The following MGAT5 variants were observed in gnomAD, a reference collection of about 807,000 sequenced individuals.
MGAT5 encodes alpha-1,6-mannosylglycoprotein 6-beta-N-acetylglucosaminyltransferase A.
Under a neutral mutation model 94.3 loss-of-function variants are expected in MGAT5, and 30 were observed. The observed-to-expected ratio is 0.32, with a 90% CI of 0.24 to 0.43. MGAT5 has a LOEUF of 0.43. Among genes scored for constraint, MGAT5 ranks in the 20% least tolerant of loss-of-function variants. The probability of loss-of-function intolerance (pLI) is 1.00; values close to 1 mark genes in which losing one functional copy is unlikely to be tolerated. For synonymous variants in MGAT5, 310 were observed against 322.9 expected, an observed-to-expected ratio of 0.96 and a Z score of 0.43; for missense variants, 691 against 905.5, an observed-to-expected ratio of 0.76 and a Z score of 3.04.
intron 10 of MGAT5, among the ~76,000 whole-genome samples, chr2:134,369,028 A>G (rs76969745): frequency 0.011 from 1,660 of 149,524 alleles, 32 homozygotes; most frequent in African/African-American, 0.039. Context: ...TCATATAATT[A>G]TCTTTTTTTG....
chr2:134,273,624 G>A (rs1445098607), intron 2 of MGAT5, among the ~76,000 whole-genome samples: 2 of 51,388 alleles, frequency 3.9e-5, no homozygotes, highest in Non-Finnish European at 6.6e-5. Context: ...GGATAGCTCT[G>A]TGTGTGTGTG....
intron 1 of MGAT5, among the ~76,000 whole-genome samples, chr2:134,229,409 T>G (rs905351774): frequency 2.6e-5 from 4 of 152,236 alleles, no homozygotes; most frequent in African/African-American, 9.6e-5. Context: ...TACACACATG[T>G]GTGTTTCGTT....
At chr2:134,389,486 C>T (rs1682263441) in intron 10 of MGAT5, among the ~76,000 whole-genome samples, 1 of 152,156 alleles carries the variant, frequency 6.6e-6, no homozygotes, top group Non-Finnish European at 1.5e-5. Flanking sequence ...TGGCGTTTAG[C>T]CTCAGCCTCT....
intron 1 of MGAT5, among the ~76,000 whole-genome samples, chr2:134,267,361 C>A (rs1027489149): frequency 5.3e-5 from 8 of 152,180 alleles, no homozygotes; most frequent in African/African-American, 1.7e-4. Flanking sequence ...ATCACATGCT[C>A]CTCAGACTGT....
chr2:134,263,406 G>A (rs930870161), intron 1 of MGAT5, among the ~76,000 whole-genome samples: 2 of 152,164 alleles, frequency 1.3e-5, no homozygotes, highest in African/African-American at 2.4e-5. Flanking sequence ...AAAAACATTC[G>A]CTTCTGGGCA....
At chr2:134,399,269 C>G (rs113877929) in intron 10 of MGAT5, among the ~76,000 whole-genome samples, 55 of 152,324 alleles carry the variant, frequency 3.6e-4, no homozygotes, top group African/African-American at 1.2e-3. Flanking sequence ...CCACTCCCCC[C>G]TGCTGTGGAC....
At position 134,191,510 on chromosome 2, in the gene MGAT5, G is replaced by GCCTCCT. The variant is rs113436456; in HGVS notation, c.-142-62736_-142-62731dup. On this transcript the variant is annotated intron_variant, in intron 1 of 16. Coordinates refer to the MGAT5 transcript ENST00000409645. ...GAAGGGTGGGTTCGCGCCGTCTTTCGCCTCCTCCTCCTCCTCCTCCTTGCG... is the reference window on the plus strand; with the variant it reads ...GAAGGGTGGGTTCGCGCCGTCTTTCGCCTCCTCCTCCTCCTCCTCCTCCTCCTTGCG... Among the ~76,000 whole-genome samples the GCCTCCT allele has an allele frequency of 2.7e-4, 38 of 139,126 alleles. No individual in the cohort carries two copies. In the South Asian group the frequency reaches 3.6e-3, roughly 13 times the overall value. The allele number at this position is 139,126 out of a possible 152,430, so 91.3% of individuals were successfully genotyped here. A position where few individuals can be genotyped will look rare whatever the true frequency, so the allele number is the denominator to read the frequency against.
In MGAT5 at chr2:134,452,984, TAG is replaced by T. The variant is rs1686182299; in HGVS notation, c.*4140_*4141del. The T allele has an allele frequency of 6.6e-6, 1 of 152,236 alleles. No homozygotes were observed. The highest frequency in any genetic ancestry group is 2.4e-5 in the African/African-American group (1 of 41,454). The allele number at this position is 152,236 out of a possible 1,614,324, so 9.4% of individuals were successfully genotyped here. ...TTATAGCAAAAGACCAAATTAGCTG[TAG>T]AGTCTTGAATGCAGAAAAAAATTAC... On this transcript the variant is annotated 3_prime_UTR_variant, in exon 16 of 16. Transcript: ENST00000281923.
Position 134,430,151 on chromosome 2 carries a change from A to G in MGAT5, c.1869+1712A>G, listed in dbSNP as rs146989139. Among the ~76,000 whole-genome samples the G allele has an allele frequency of 3.3e-3, 507 of 152,234 alleles. 2 individuals carry two copies. The highest frequency in any genetic ancestry group is 0.012 in the African/African-American group (484 of 41,544). ...TTAAGACATCACAGCTCTTGCCGCC[A>G]TCTCGGCAGCTCTCTTGAGATCATA... On this transcript the variant is annotated intron_variant, in intron 14 of 15. Transcript: ENST00000281923.
At chr2:134,293,202 G>A (rs1408765409) in intron 2 of MGAT5, among the ~76,000 whole-genome samples, 1 of 152,178 alleles carries the variant, frequency 6.6e-6, no homozygotes, top group Non-Finnish European at 1.5e-5. Flanking sequence ...ACTACTCAGT[G>A]AATAGAAAAT....
intron 14 of MGAT5, among the ~76,000 whole-genome samples, chr2:134,435,595 C>T (rs965008606): frequency 6.6e-6 from 1 of 152,188 alleles, no homozygotes; most frequent in Admixed American, 6.5e-5. Flanking sequence ...GTTCATCATC[C>T]TTTCCCTCAC....
intron 1 of MGAT5, among the ~76,000 whole-genome samples, chr2:134,256,871 C>T (rs985917072): frequency 2.6e-5 from 4 of 152,192 alleles, no homozygotes; most frequent in East Asian, 3.9e-4. Flanking sequence ...TCAACTTTAA[C>T]GTATCAAAGT....
chr2:134,339,595 G>GA (rs1341253868), intron 6 of MGAT5, among the ~76,000 whole-genome samples: 1 of 151,880 alleles, frequency 6.6e-6, no homozygotes, highest in African/African-American at 2.4e-5. Flanking sequence ...CTGCAATAAG[G>GA]AAAAAAATGG....
intron 1 of MGAT5, among the ~76,000 whole-genome samples, chr2:134,213,867 C>T (rs916539935): frequency 1.3e-5 from 2 of 151,438 alleles, no homozygotes; most frequent in Admixed American, 1.3e-4. Context: ...CCTGGAAGTT[C>T]CCTGAACCCT....
Position 134,239,854 on chromosome 2 carries a change from G to A in MGAT5, c.-142-14408G>A, listed in dbSNP as rs183907483. On this transcript the variant is annotated intron_variant, in intron 1 of 16. Coordinates refer to the MGAT5 transcript ENST00000409645. ...CATTAAGTAAGAAAAAAGACAAGGA[G>A]AAGAGAATAAGAAAATGAGTCAGGA... Among the ~76,000 whole-genome samples, 4 of 152,256 alleles carry A rather than the reference G, an allele frequency of 2.6e-5. No homozygotes were observed. In the East Asian group the frequency reaches 7.7e-4, roughly 29 times the overall value.
At position 134,189,602 on chromosome 2, in the gene MGAT5, G is replaced by GTTGTTTTTTTTTTTTTTTTTTT. The variant is rs1689232395; in HGVS notation, c.-142-64658_-142-64657insGTTTTTTTTTTTTTTTTTTTTT. 3.9e-4 allele frequency among the ~76,000 whole-genome samples: 33 copies of GTTGTTTTTTTTTTTTTTTTTTT among 84,648 alleles called. 2 individuals carry two copies. The highest frequency in any genetic ancestry group is 1.5e-3 in the African/African-American group (32 of 20,992). 55.5% of individuals were successfully genotyped at this position (84,648 alleles called of 152,430 possible). On this transcript the variant is annotated intron_variant, in intron 1 of 16. Coordinates refer to the MGAT5 transcript ENST00000409645. The stretch of plus-strand genomic sequence containing the variant: ...AACCTCATGGCTCTAGTTTTTTTTT[G>GTTGTTTTTTTTTTTTTTTTTTT]TTTTTTTTTTTTTTTTTTAAGACAG...
intron 1 of MGAT5, among the ~76,000 whole-genome samples, chr2:134,170,405 T>C (rs974460124): frequency 1.3e-5 from 2 of 152,196 alleles, no homozygotes; most frequent in Non-Finnish European, 2.9e-5. Flanking sequence ...GACTGTTTCA[T>C]AGAGATGGTG....
At chr2:134,206,669 A>G (rs1680035513) in intron 1 of MGAT5, among the ~76,000 whole-genome samples, 1 of 152,188 alleles carries the variant, frequency 6.6e-6, no homozygotes, top group African/African-American at 2.4e-5. Context: ...TGGATTGTCA[A>G]GATGGGCCCT....
intron 1 of MGAT5, among the ~76,000 whole-genome samples, chr2:134,153,904 C>T (rs1030790778): frequency 6.6e-5 from 10 of 152,178 alleles, no homozygotes; most frequent in African/African-American, 2.2e-4. Context: ...CCGCTCCACT[C>T]TCTCCCTCCC....
Sources: allele counts gnomAD v4.1 joint callset (sites outside exome capture counted in the v4.1 genomes callset), GRCh38; gene constraint gnomAD v4.1.1; transcripts MANE v1.5; gene names NCBI Gene and HGNC (gene_info 2026-07-23, HGNC 2026-07-21).